TMEM163: variants seen among roughly 807,000 people sequenced by gnomAD.
The protein encoded by TMEM163 is transmembrane protein 163.
Under a neutral mutation model 29.3 loss-of-function variants are expected in TMEM163, and 17 were observed. The observed-to-expected ratio is 0.58, with a 90% CI of 0.40 to 0.87. The LOEUF (loss-of-function observed/expected upper bound fraction) is 0.87. Ranked by LOEUF, TMEM163 falls within the 40% of genes least tolerant of loss-of-function variation. The pLI is 0.00. For missense variants in TMEM163, 303 were observed against 381.5 expected, an observed-to-expected ratio of 0.79 and a Z score of 1.71; for synonymous variants, 157 against 160.6, an observed-to-expected ratio of 0.98 and a Z score of 0.17.
intron 2 of TMEM163, among the ~76,000 whole-genome samples, chr2:134,687,744 T>C (rs1684379347): frequency 6.6e-6 from 1 of 152,150 alleles, no homozygotes; most frequent in Admixed American, 6.5e-5. Context: ...AGAAAAGACA[T>C]CAGTGTGGTA....
chr2:134,520,001 A>G (rs1407024885), intron 4 of TMEM163, among the ~76,000 whole-genome samples: 1 of 152,136 alleles, frequency 6.6e-6, no homozygotes, highest in East Asian at 1.9e-4. Context: ...GTAAGAAGAG[A>G]CAAAGACAGT....
chr2:134,579,015 G>GA (rs1681629178), intron 2 of TMEM163, among the ~76,000 whole-genome samples: 1 of 152,138 alleles, frequency 6.6e-6, no homozygotes, highest in Admixed American at 6.6e-5. Flanking sequence ...ATTCCTGCAG[G>GA]AGAGAAACTT....
chr2:134,559,786 G>C (rs1436064721), intron 2 of TMEM163, among the ~76,000 whole-genome samples: 2 of 152,110 alleles, frequency 1.3e-5, no homozygotes, highest in African/African-American at 4.8e-5. Flanking sequence ...TGCTGCTATG[G>C]GGGTAGGGAG....
chr2:134,581,141 C>A (rs981158151), intron 2 of TMEM163, among the ~76,000 whole-genome samples: 1 of 152,144 alleles, frequency 6.6e-6, no homozygotes, highest in East Asian at 1.9e-4. Flanking sequence ...TGGGGCAAAT[C>A]CGACGGAAAA....
At chr2:134,548,468 C>A (rs948700760) in intron 4 of TMEM163, among the ~76,000 whole-genome samples, 1 of 152,154 alleles carries the variant, frequency 6.6e-6, no homozygotes, top group Non-Finnish European at 1.5e-5. Context: ...TCTTCTGACA[C>A]GACAGTGGCT....
At chr2:134,465,082 T>C (rs1448293975) in intron 6 of TMEM163, among the ~76,000 whole-genome samples, 1 of 151,064 alleles carries the variant, frequency 6.6e-6, no homozygotes, top group Non-Finnish European at 1.5e-5. Context: ...CCGGGCACGG[T>C]GGCTCACACC....
rs1680431988 is a variant in TMEM163, at chr2:134,532,212, T to C, written c.458+18358A>G. Among the ~76,000 whole-genome samples the C allele has an allele frequency of 2.0e-5, 3 of 152,204 alleles. No homozygotes were observed. In the South Asian group the frequency reaches 6.2e-4, roughly 31 times the overall value. Reference sequence around the variant, plus strand: ...TGGGAGTCAGCCATTTAGGCAGAGATACCAATCTGCGCCTAAATGCTGGCC... The same window carrying C: ...TGGGAGTCAGCCATTTAGGCAGAGACACCAATCTGCGCCTAAATGCTGGCC... On this transcript the variant is annotated intron_variant, in intron 4 of 7. Coordinates refer to ENST00000281924, the MANE Select transcript of TMEM163 (RefSeq NM_030923.5).
At chr2:134,540,620 T>C (rs1055910545) in intron 4 of TMEM163, among the ~76,000 whole-genome samples, 5 of 152,180 alleles carry the variant, frequency 3.3e-5, no homozygotes, top group Non-Finnish European at 7.3e-5. Context: ...CATTGCATAG[T>C]GGTTATGAGC....
intron 2 of TMEM163, among the ~76,000 whole-genome samples, chr2:134,579,140 T>C (rs1047534214): frequency 3.3e-5 from 5 of 152,142 alleles, no homozygotes; most frequent in Non-Finnish European, 7.3e-5. Flanking sequence ...GTCATGTGAA[T>C]GGCTTCCCCC....
At chr2:134,490,950 T>C (rs1289215737) in intron 5 of TMEM163, among the ~76,000 whole-genome samples, 1 of 152,206 alleles carries the variant, frequency 6.6e-6, no homozygotes, top group African/African-American at 2.4e-5. Context: ...GATCATGTTG[T>C]TCATATTATA....
intron 2 of TMEM163, among the ~76,000 whole-genome samples, chr2:134,554,955 C>T (rs1558943691): frequency 6.6e-6 from 1 of 152,116 alleles, no homozygotes; most frequent in Non-Finnish European, 1.5e-5. Context: ...GTCTAATTTC[C>T]TTGATGAGAT....
chr2:134,555,780 A>T (rs1020793616), intron 2 of TMEM163, among the ~76,000 whole-genome samples: 2 of 152,230 alleles, frequency 1.3e-5, no homozygotes, highest in African/African-American at 4.8e-5. Flanking sequence ...CATAGGTAAA[A>T]TGAAGATGTG....
chr2:134,570,223 G>A (rs927326462), intron 2 of TMEM163, among the ~76,000 whole-genome samples: 19 of 152,144 alleles, frequency 1.2e-4, no homozygotes, highest in Non-Finnish European at 1.5e-5. Flanking sequence ...TTCTATCTGT[G>A]GAGTTGTGAA....
At chr2:134,576,523 G>A (rs562518695) in intron 2 of TMEM163, among the ~76,000 whole-genome samples, 9 of 152,278 alleles carry the variant, frequency 5.9e-5, no homozygotes, top group African/African-American at 2.2e-4. Flanking sequence ...GGCCCAGCAG[G>A]ACTCCTTCCC....
At chr2:134,661,444 G>A (rs56291296) in intron 2 of TMEM163, among the ~76,000 whole-genome samples, 1 of 152,220 alleles carries the variant, frequency 6.6e-6, no homozygotes, top group Non-Finnish European at 1.5e-5. Flanking sequence ...GCAAATGAAA[G>A]GAATGCAGCC....
At chr2:134,582,047 C>T (rs903030594) in intron 2 of TMEM163, among the ~76,000 whole-genome samples, 6 of 152,146 alleles carry the variant, frequency 3.9e-5, no homozygotes, top group African/African-American at 1.4e-4. Flanking sequence ...CGGCAGAGAA[C>T]CATGAGAGAG....
chr2:134,688,293 C>A (rs1684388916), intron 2 of TMEM163, among the ~76,000 whole-genome samples: 1 of 152,150 alleles, frequency 6.6e-6, no homozygotes, highest in East Asian at 1.9e-4. Context: ...TCCCCTCCCA[C>A]CAAGACACAA....
At chr2:134,718,619 C>G in intron 1 of TMEM163, 115 bp downstream of exon 1, 1 of 788,266 alleles carries the variant, frequency 1.3e-6, no homozygotes, top group Non-Finnish European at 1.6e-6. Flanking sequence ...GTCGGGGCTC[C>G]GCGCCCCCGC....
intron 2 of TMEM163, among the ~76,000 whole-genome samples, chr2:134,660,871 G>C (rs1380113409): frequency 8.9e-6 from 1 of 111,910 alleles, no homozygotes; most frequent in East Asian, 2.0e-4. Context: ...AGAAATGAAA[G>C]GCAGCTCTGA....
Sources: allele counts gnomAD v4.1 joint callset (sites outside exome capture counted in the v4.1 genomes callset), GRCh38; gene constraint gnomAD v4.1.1; transcripts MANE v1.5; gene names NCBI Gene and HGNC (gene_info 2026-07-23, HGNC 2026-07-21).